The following HCRTR2 variants were observed in gnomAD, a reference collection of about 807,000 sequenced individuals.
HCRTR2 encodes hypocretin receptor 2, also known as orexin receptor type 2.
HCRTR2 carries 22 observed loss-of-function variants against 49.0 expected under a neutral mutation model. That is an observed-to-expected ratio of 0.45 (90% CI 0.32 to 0.64). The LOEUF (loss-of-function observed/expected upper bound fraction) is 0.64. Ranked by LOEUF, HCRTR2 falls within the 30% of genes least tolerant of loss-of-function variation. The pLI, the probability that HCRTR2 is intolerant of heterozygous loss-of-function variation, is 0.04. For synonymous variants in HCRTR2, 236 were observed against 205.3 expected, an observed-to-expected ratio of 1.15 and a Z score of -1.28; for missense variants, 491 against 559.4, an observed-to-expected ratio of 0.88 and a Z score of 1.23.
chr6:55,139,035 C>T (rs140082983), intron 1 of HCRTR2, among the ~76,000 whole-genome samples: 3 of 152,090 alleles, frequency 2.0e-5, no homozygotes, highest in Non-Finnish European at 4.4e-5. Context: ...AAATTGGGAA[C>T]ACAAATTTCA....
chr6:55,221,045 T>A (rs1198767002), intron 1 of HCRTR2, among the ~76,000 whole-genome samples: 2 of 152,160 alleles, frequency 1.3e-5, no homozygotes, highest in Non-Finnish European at 2.9e-5. Flanking sequence ...CAAAAAATAA[T>A]TTTAAAAGAC....
chr6:55,153,517 C>T (rs1324626279), intron 1 of HCRTR2, among the ~76,000 whole-genome samples: 1 of 152,006 alleles, frequency 6.6e-6, no homozygotes, highest in Non-Finnish European at 1.5e-5. Context: ...CTCATGGAAC[C>T]ATCATCATTT....
At chr6:55,107,881 C>G (rs1357408797) in intron 1 of HCRTR2, among the ~76,000 whole-genome samples, 1 of 152,086 alleles carries the variant, frequency 6.6e-6, no homozygotes, top group Non-Finnish European at 1.5e-5. Flanking sequence ...TATTGTAATA[C>G]TTCATGGGTG....
At chr6:55,277,740 A>G in intron 5 of HCRTR2, 140 bp downstream of exon 5, 1 of 700,772 alleles carries the variant, frequency 1.4e-6, no homozygotes, top group Non-Finnish European at 2.5e-6. Flanking sequence ...TGACTCAGTT[A>G]TGTTGTTACC....
chr6:55,221,849 C>A (rs544164693), intron 1 of HCRTR2, among the ~76,000 whole-genome samples: 2 of 150,090 alleles, frequency 1.3e-5, no homozygotes, highest in East Asian at 3.9e-4. Context: ...AACTATGAAA[C>A]TCATAGAGAA....
intron 1 of HCRTR2, among the ~76,000 whole-genome samples, chr6:55,159,706 T>A (rs1764779141): frequency 1.3e-5 from 2 of 152,074 alleles, no homozygotes; most frequent in South Asian, 4.2e-4. Context: ...GGTATCAATA[T>A]CCAAATCGAT....
intron 1 of HCRTR2, among the ~76,000 whole-genome samples, chr6:55,228,763 A>T (rs184714634): frequency 1.3e-5 from 2 of 152,308 alleles, no homozygotes; most frequent in East Asian, 3.9e-4. Flanking sequence ...ATGAAAAATT[A>T]AAAATTTTAA....
chr6:55,214,595 C>A (rs1246179700), intron 1 of HCRTR2, among the ~76,000 whole-genome samples: 1 of 151,966 alleles, frequency 6.6e-6, no homozygotes, highest in East Asian at 1.9e-4. Flanking sequence ...CCTGACTCAG[C>A]CTCCCAAATC....
At chr6:55,192,107 C>T (rs1254462492) in intron 1 of HCRTR2, among the ~76,000 whole-genome samples, 2 of 151,840 alleles carry the variant, frequency 1.3e-5, no homozygotes, top group Non-Finnish European at 1.5e-5. Context: ...ACATAAAATC[C>T]TGTGTATACT....
At chr6:55,259,415 G>A (rs1766713704) in intron 3 of HCRTR2, among the ~76,000 whole-genome samples, 1 of 152,000 alleles carries the variant, frequency 6.6e-6, no homozygotes, top group Non-Finnish European at 1.5e-5. Context: ...ACTTTGAAAA[G>A]ACATTCCATG....
At chr6:55,182,239 C>A (rs7758861) in intron 1 of HCRTR2, among the ~76,000 whole-genome samples, 51,898 of 152,106 alleles carry the variant, frequency 0.34, 9,179 homozygotes, top group Admixed American at 0.42. Context: ...CCCCGGGCCC[C>A]GGCCCCACTT....
intron 1 of HCRTR2, among the ~76,000 whole-genome samples, chr6:55,155,333 G>A (rs184643446): frequency 1.3e-5 from 2 of 151,870 alleles, no homozygotes; most frequent in East Asian, 3.9e-4. Context: ...AAATTTCAAA[G>A]CCTGGTTCCT....
At chr6:55,266,168 C>G (rs1477823065) in intron 4 of HCRTR2, among the ~76,000 whole-genome samples, 1 of 152,146 alleles carries the variant, frequency 6.6e-6, no homozygotes, top group Non-Finnish European at 1.5e-5. Context: ...GGCCTCTCAA[C>G]TAATTGTACT....
chr6:55,188,642 C>T (rs1460031328), intron 1 of HCRTR2, among the ~76,000 whole-genome samples: 2 of 152,114 alleles, frequency 1.3e-5, no homozygotes, highest in Non-Finnish European at 2.9e-5. Context: ...TTATTGAACA[C>T]CCACAATGTG....
intron 5 of HCRTR2, among the ~76,000 whole-genome samples, chr6:55,278,749 ATTATTATTT>A (rs1256115089): frequency 4.7e-4 from 69 of 146,314 alleles, no homozygotes; most frequent in African/African-American, 1.5e-3. Flanking sequence ...TATTATTATT[ATTATTATTT>A]TTGCTAACAG....
At position 55,169,137 on chromosome 6, in the gene HCRTR2, C is replaced by G. The variant is rs116462783; in HGVS notation, c.-377-5074C>G. Reference sequence around the variant, plus strand: ...TTTACTGACCAAAATTATTTGCCGGCTACTCTGTGCTTTTCATGACACACT... The same window carrying G: ...TTTACTGACCAAAATTATTTGCCGGGTACTCTGTGCTTTTCATGACACACT... On this transcript the variant is annotated intron_variant, in intron 1 of 7. Transcript: ENST00000615358. Among the ~76,000 whole-genome samples, 1,447 of 151,850 alleles carry G rather than the reference C, an allele frequency of 9.5e-3. 27 individuals are homozygous for G. Among genetic ancestry groups the G allele is most frequent in the African/African-American group, 0.033 (1,383 of 41,400 alleles).
chr6:55,130,735 C>T (rs1764344269), intron 1 of HCRTR2, among the ~76,000 whole-genome samples: 1 of 151,840 alleles, frequency 6.6e-6, no homozygotes, highest in Non-Finnish European at 1.5e-5. Context: ...TTTTCTCCTA[C>T]CCCAGGGATT....
chr6:55,260,130 G>T (rs879671836), intron 3 of HCRTR2, among the ~76,000 whole-genome samples: 1 of 151,912 alleles, frequency 6.6e-6, no homozygotes, highest in Non-Finnish European at 1.5e-5. Flanking sequence ...TATTCAAAAC[G>T]CCAAACTGTT....
chr6:55,245,327 A>G (rs1048508709), intron 1 of HCRTR2, among the ~76,000 whole-genome samples: 8 of 147,710 alleles, frequency 5.4e-5, no homozygotes, highest in African/African-American at 2.0e-4. Flanking sequence ...TAGGATTGAA[A>G]GGTAAATATC....
Sources: allele counts gnomAD v4.1 joint callset (sites outside exome capture counted in the v4.1 genomes callset), GRCh38; gene constraint gnomAD v4.1.1; transcripts MANE v1.5; gene names NCBI Gene and HGNC (gene_info 2026-07-23, HGNC 2026-07-21).